Variants in CD81 observed in about 807,000 individuals in gnomAD.
The protein encoded by CD81 is CD81 molecule.
In CD81, 10 loss-of-function variants were observed where a neutral mutation model predicts 30.1. The ratio of observed to expected loss-of-function variants is 0.33; its 90% CI spans 0.21 to 0.56. The LOEUF is 0.56. Ranked by LOEUF, CD81 falls within the 20% of genes least tolerant of loss-of-function variation. The pLI is 0.89. For missense variants in CD81, 263 were observed against 308.7 expected (o/e 0.85, Z 1.11); for synonymous variants, 147 against 126.4 (o/e 1.16, Z -1.10).
Position 2,396,708 on chromosome 11 carries a change from G to C in CD81, c.642G>C (p.Val214=), listed in dbSNP as rs1315866825. 6.2e-7 allele frequency: 1 copy of C among 1,611,626 alleles called. No homozygotes were observed. Among genetic ancestry groups the C allele is most frequent in the Middle Eastern group, 1.6e-4 (1 of 6,084 alleles). The change falls in exon 7 of 8, where the codon GTG becomes GTC. Residue 214 remains valine (V), a synonymous_variant. Coordinates refer to ENST00000263645, the MANE Select transcript of CD81 (RefSeq NM_004356.4). ...GCATTGCTGCCATCGTGGTCGCTGT[G>C]ATCATGGTGAGCGGGCGGGGGCGGA... ...LIGIAAIVVA[V]IMIFEMILSM...
intron 2 of CD81, chr11:2,390,956 G>C (rs1022545270): frequency 1.0e-5 from 3 of 294,692 alleles, no homozygotes; most frequent in African/African-American, 6.5e-5. Flanking sequence ...GAGGGGTGGA[G>C]AGGGGTGGAG....
rs2521252 is a variant in CD81, at chr11:2,378,428, C to G, written c.66+813C>G. 6.6e-6 allele frequency among the ~76,000 whole-genome samples: 1 copy of G among 151,980 alleles called. No individual in the cohort carries two copies. Among genetic ancestry groups the G allele is most frequent in the Admixed American group, 6.5e-5 (1 of 15,278 alleles). On this transcript the variant is annotated intron_variant, in intron 1 of 7. Coordinates refer to ENST00000263645, the MANE Select transcript of CD81 (RefSeq NM_004356.4). The surrounding 1 kb of genome is among the most constrained non-coding windows in gnomAD (Gnocchi z 4.9). ...GGGGCCTGGAGTGGATGGCAGGGTC[C>G]GGGAGTGGGGCCGCTGCTTTGCAAG...
intron 1 of CD81, chr11:2,390,095 A>G (rs1042099208): frequency 8.3e-6 from 4 of 481,946 alleles, no homozygotes; most frequent in Non-Finnish European, 1.5e-5. Flanking sequence ...CACTTACCCT[A>G]AAGAAGTATT....
chr11:2,393,198 G>A (rs1401839332), intron 2 of CD81: 1 of 152,570 alleles, frequency 6.6e-6, no homozygotes, highest in Non-Finnish European at 1.5e-5. Flanking sequence ...TCGGTGACGG[G>A]AGATGGCCCC....
intron 1 of CD81, chr11:2,386,393 G>T: frequency 1.6e-6 from 1 of 637,166 alleles, no homozygotes. Flanking sequence ...GCCACATGGG[G>T]TTTGTTATGG....
At chr11:2,382,721 G>A (rs1461414941) in intron 1 of CD81, among the ~76,000 whole-genome samples, 1 of 152,230 alleles carries the variant, frequency 6.6e-6, no homozygotes, top group East Asian at 1.9e-4. Flanking sequence ...CCGCTGCGGT[G>A]CAGAACTAAT....
chr11:2,386,785 C>G, intron 1 of CD81: 1 of 641,450 alleles, frequency 1.6e-6, no homozygotes, highest in Non-Finnish European at 2.9e-6. Flanking sequence ...CCCACCCCCT[C>G]CTGGCCCAGC....
chr11:2,384,694 GC>G, intron 1 of CD81: 1 of 189,744 alleles, frequency 5.3e-6, no homozygotes, highest in Non-Finnish European at 1.2e-5. Flanking sequence ...TGAGCTTTGA[GC>G]AGGGAGGTGC....
intron 6 of CD81, chr11:2,396,379 C>T (rs894341167): frequency 3.3e-5 from 20 of 601,072 alleles, no homozygotes; most frequent in African/African-American, 3.0e-4. Context: ...CACCAATGAC[C>T]GTGATCTCAG....
At chr11:2,381,421 C>A (rs903027315) in intron 1 of CD81, among the ~76,000 whole-genome samples, 1 of 152,230 alleles carries the variant, frequency 6.6e-6, no homozygotes, top group Admixed American at 6.5e-5. Context: ...CTGCACCCAC[C>A]CCAGCGCCCA....
At chr11:2,388,178 C>G (rs1378307883) in intron 1 of CD81, among the ~76,000 whole-genome samples, 1 of 152,220 alleles carries the variant, frequency 6.6e-6, no homozygotes, top group Non-Finnish European at 1.5e-5. Flanking sequence ...TCCAAAGGTG[C>G]TGGGATTACA....
At chr11:2,380,797 G>T (rs1227177864) in intron 1 of CD81, among the ~76,000 whole-genome samples, 3 of 152,194 alleles carry the variant, frequency 2.0e-5, no homozygotes, top group Non-Finnish European at 4.4e-5. Flanking sequence ...TTCTCCTCGG[G>T]GGCTGGCCAG....
chr11:2,393,524 C>A (rs114564113), intron 2 of CD81: 2 of 261,810 alleles, frequency 7.6e-6, no homozygotes, highest in Non-Finnish European at 1.5e-5. Context: ...GGTCCCGTAA[C>A]GGAAGTGCTG....
chr11:2,381,128 C>T (rs962282128), intron 1 of CD81, among the ~76,000 whole-genome samples: 5 of 152,324 alleles, frequency 3.3e-5, no homozygotes, highest in African/African-American at 1.2e-4. Context: ...CCCTGGCTCC[C>T]CCAGGCTGTC....
chr11:2,395,768 G>A (rs1849988375), intron 5 of CD81, 101 bp from the exon 6 acceptor site: 1 of 846,180 alleles, frequency 1.2e-6, no homozygotes, highest in Non-Finnish European at 2.0e-6. Flanking sequence ...ATTCTGCAGT[G>A]GGGAGCGCTG....
At chr11:2,376,873 A>AC (rs1053339126), upstream of CD81, 5 of 152,474 alleles carry the variant, frequency 3.3e-5, no homozygotes, top group African/African-American at 1.2e-4. Flanking sequence ...TGCAAAGCCA[A>AC]CCACTGTGGC....
chr11:2,380,549 G>C (rs1021634204), intron 1 of CD81, among the ~76,000 whole-genome samples: 1 of 152,186 alleles, frequency 6.6e-6, no homozygotes, highest in Non-Finnish European at 1.5e-5. Context: ...TTGGGGGCCA[G>C]TGAGAACTGG....
At chr11:2,396,103 T>C (rs1300866485) in intron 6 of CD81, 133 bp downstream of exon 6, 1 of 509,382 alleles carries the variant, frequency 2.0e-6, no homozygotes, top group African/African-American at 2.0e-5. Context: ...CTGTCAGGGC[T>C]GCTCTGCTGG....
intron 1 of CD81, among the ~76,000 whole-genome samples, chr11:2,379,973 C>T (rs1164504907): frequency 6.6e-6 from 1 of 152,156 alleles, no homozygotes; most frequent in African/African-American, 2.4e-5. Flanking sequence ...TGGTGGAGTC[C>T]CCAACACACT....
Sources: allele counts gnomAD v4.1 joint callset (sites outside exome capture counted in the v4.1 genomes callset), GRCh38; gene constraint gnomAD v4.1.1; non-coding constraint Gnocchi (gnomAD v3.1); transcripts MANE v1.5; gene names NCBI Gene and HGNC (gene_info 2026-07-23, HGNC 2026-07-21).